The following CA10 variants were observed in gnomAD, a reference collection of about 807,000 sequenced individuals.
The protein encoded by CA10 is carbonic anhydrase 10 (inactive), also known as carbonic anhydrase-related protein 10.
Under a neutral mutation model 44.2 loss-of-function variants are expected in CA10, and 14 were observed. The observed-to-expected ratio is 0.32, with a 90% CI of 0.21 to 0.50. The LOEUF (loss-of-function observed/expected upper bound fraction) is 0.50. CA10 is among the 20% of genes least tolerant of loss of function. CA10 has a pLI of 0.99. For missense variants in CA10, 350 were observed against 409.7 expected (o/e 0.85, Z 1.26); for synonymous variants, 159 against 141.6 (o/e 1.12, Z -0.87).
intron 2 of CA10, among the ~76,000 whole-genome samples, chr17:51,974,647 GAATT>G (rs1203178460): frequency 2.6e-5 from 4 of 151,928 alleles, no homozygotes; most frequent in African/African-American, 9.7e-5. Context: ...ATTATTTGAA[GAATT>G]AATGATCCAG....
chr17:51,806,258 C>T (rs1907132505), intron 3 of CA10, among the ~76,000 whole-genome samples: 1 of 152,164 alleles, frequency 6.6e-6, no homozygotes, highest in Non-Finnish European at 1.5e-5. Context: ...GCAGGAAGGT[C>T]AGTTAGAAGA....
intron 3 of CA10, among the ~76,000 whole-genome samples, chr17:51,813,967 C>T (rs928763803): frequency 6.6e-6 from 1 of 152,206 alleles, no homozygotes; most frequent in Non-Finnish European, 1.5e-5. Flanking sequence ...GCCTTGTTTC[C>T]TGCTACAGTC....
chr17:51,871,444 T>G (rs1163746841), intron 3 of CA10, among the ~76,000 whole-genome samples: 1 of 148,686 alleles, frequency 6.7e-6, no homozygotes, highest in Non-Finnish European at 1.5e-5. Context: ...TTCACCATGT[T>G]GGCCAGGCTG....
intron 4 of CA10, among the ~76,000 whole-genome samples, chr17:51,687,054 T>G (rs1446143176): frequency 6.6e-6 from 1 of 152,214 alleles, no homozygotes; most frequent in East Asian, 1.9e-4. Context: ...TTTAAAAACC[T>G]CCAGTGGCTT....
chr17:52,126,613 G>A (rs1055312864), intron 1 of CA10, among the ~76,000 whole-genome samples: 1 of 152,006 alleles, frequency 6.6e-6, no homozygotes, highest in Non-Finnish European at 1.5e-5. Flanking sequence ...ATTTTAAATG[G>A]GCATTTTCAT....
At chr17:51,638,922 A>G (rs1007096143) in intron 6 of CA10, among the ~76,000 whole-genome samples, 9 of 152,072 alleles carry the variant, frequency 5.9e-5, no homozygotes. Flanking sequence ...AGTGGTGTGT[A>G]CTTGGGGACA....
chr17:51,664,795 C>T (rs1914150173), intron 4 of CA10, among the ~76,000 whole-genome samples: 1 of 152,126 alleles, frequency 6.6e-6, no homozygotes, highest in Admixed American at 6.5e-5. Flanking sequence ...GTTTTATCCT[C>T]TTATAGTTAT....
Position 51,644,742 on chromosome 17 carries a change from C to T in CA10, c.634+4440G>A, listed in dbSNP as rs187014435. Among the ~76,000 whole-genome samples, 21 of 151,808 alleles carry T rather than the reference C, an allele frequency of 1.4e-4. No homozygotes were observed. In the East Asian group the frequency reaches 3.7e-3, roughly 27 times the overall value. ...AGTCTTACAGTCATCCCTCACTCCC[C>T]TCTTTCTCTCACATAAAACATCAGA... On this transcript the variant is annotated intron_variant, in intron 6 of 8. Transcript: ENST00000451037.
chr17:51,996,609 C>G (rs1427023068), intron 2 of CA10, among the ~76,000 whole-genome samples: 1 of 152,000 alleles, frequency 6.6e-6, no homozygotes, highest in African/African-American at 2.4e-5. Context: ...CCTTAATTCC[C>G]TAAACATGCC....
chr17:51,969,261 C>T (rs1414048313), intron 2 of CA10, among the ~76,000 whole-genome samples: 1 of 151,970 alleles, frequency 6.6e-6, no homozygotes, highest in East Asian at 1.9e-4. Flanking sequence ...CTGTGACAGA[C>T]ACTTTGCTAG....
In CA10 at chr17:52,157,864, T is replaced by G; in HGVS notation, c.-78A>C. 9.1e-7 allele frequency: 1 copy of G among 1,104,952 alleles called. No individual in the cohort carries two copies. Among genetic ancestry groups the G allele is most frequent in the Non-Finnish European group, 1.4e-6 (1 of 716,504 alleles). The allele number at this position is 1,104,952 out of a possible 1,614,324, so 68.4% of individuals were successfully genotyped here. On this transcript the variant is annotated 5_prime_UTR_variant, in exon 1 of 9. The change abolishes an upstream ATG in the 5' untranslated region. Transcript: ENST00000451037. ...GGGAGCCCGACACGGCACACACACA[T>G]ACACACTCGCACACACTTCCGAGCG...
chr17:51,680,444 G>A (rs1914805718), intron 4 of CA10, among the ~76,000 whole-genome samples: 1 of 152,190 alleles, frequency 6.6e-6, no homozygotes, highest in Admixed American at 6.5e-5. Context: ...AACCAATTGG[G>A]CAAGTGTATG....
intron 4 of CA10, among the ~76,000 whole-genome samples, chr17:51,714,529 T>C (rs1863032866): frequency 6.6e-6 from 1 of 152,180 alleles, no homozygotes; most frequent in African/African-American, 2.4e-5. Flanking sequence ...ATGGTTATTT[T>C]ACAAGGTTGG....
At chr17:51,951,347 AG>A (rs750877158) in intron 2 of CA10, among the ~76,000 whole-genome samples, 1 of 152,172 alleles carries the variant, frequency 6.6e-6, no homozygotes, top group Non-Finnish European at 1.5e-5. Flanking sequence ...AAACTGCCCA[AG>A]GAAGCAAAGC....
intron 3 of CA10, among the ~76,000 whole-genome samples, chr17:51,913,739 TGG>T: frequency 6.6e-6 from 1 of 152,212 alleles, no homozygotes; most frequent in African/African-American, 2.4e-5. Context: ...CCTGGGAGGC[TGG>T]GGTAAGCTGG....
chr17:51,955,799 G>A (rs982241662), intron 2 of CA10, among the ~76,000 whole-genome samples: 6 of 151,990 alleles, frequency 3.9e-5, no homozygotes, highest in Non-Finnish European at 8.8e-5. Flanking sequence ...GACAGAGGGA[G>A]GGGAACCTCA....
Position 51,755,740 on chromosome 17 carries a change from C to T in CA10, c.280-7922G>A, listed in dbSNP as rs544420899. ...GATTTACTATGTGTCAGATGTTGTA[C>T]CACTTTTTAGATTAGAAAACCAGGT... On this transcript the variant is annotated intron_variant, in intron 3 of 8. Coordinates refer to ENST00000451037, the MANE Select transcript of CA10 (RefSeq NM_020178.5). Among the ~76,000 whole-genome samples the T allele has an allele frequency of 1.6e-3, 251 of 152,214 alleles. 1 individual carries two copies. Among genetic ancestry groups the T allele is most frequent in the African/African-American group, 5.7e-3 (236 of 41,526 alleles).
At chr17:52,080,376 A>G (rs976200909) in intron 1 of CA10, among the ~76,000 whole-genome samples, 107 of 151,742 alleles carry the variant, frequency 7.1e-4, no homozygotes, top group African/African-American at 2.1e-3. Flanking sequence ...GGCATGAACC[A>G]GGGAGGCGGA....
rs1046871184 is a variant in CA10 at position 51,808,725 on chromosome 17, T to C, written c.280-60907A>G. The stretch of plus-strand genomic sequence containing the variant: ...TTGTAAGTGGAAAAAGCGAGCAAAA[T>C]TGTCCATATAGCATGTCTCAACTAA... On this transcript the variant is annotated intron_variant, in intron 3 of 8. Transcript: ENST00000451037. Among the ~76,000 whole-genome samples, 7 of 152,156 alleles carry C rather than the reference T, an allele frequency of 4.6e-5. No homozygotes were observed. The South Asian group carries it at 6.2e-4, about 14-fold the overall frequency.
Sources: allele counts gnomAD v4.1 joint callset (sites outside exome capture counted in the v4.1 genomes callset), GRCh38; gene constraint gnomAD v4.1.1; transcripts MANE v1.5; gene names NCBI Gene and HGNC (gene_info 2026-07-23, HGNC 2026-07-21).